Variants in RALB observed in about 807,000 individuals in gnomAD.
The protein encoded by RALB is RAS like proto-oncogene B.
A neutral mutation model predicts 21.3 loss-of-function variants in RALB; 16 were observed. The ratio of observed to expected loss-of-function variants is 0.75; its 90% confidence interval spans 0.51 to 1.14. RALB has a LOEUF of 1.14. RALB is among the 50% of genes most tolerant of loss of function. The probability of loss-of-function intolerance (pLI) is 0.00; values close to 1 mark genes in which losing one functional copy is unlikely to be tolerated. For missense variants in RALB, 161 were observed against 256.2 expected (o/e 0.63, Z 2.54); for synonymous variants, 93 against 96.1 (o/e 0.97, Z 0.19).
intron 4 of RALB, among the ~76,000 whole-genome samples, chr2:120,292,639 T>C (rs1006501749): frequency 6.6e-6 from 1 of 152,208 alleles, no homozygotes; most frequent in Non-Finnish European, 1.5e-5. Flanking sequence ...ATCACACTTA[T>C]TGTAAGATTT....
At chr2:120,292,311 C>T (rs757711911) in intron 4 of RALB, among the ~76,000 whole-genome samples, 5 of 152,150 alleles carry the variant, frequency 3.3e-5, no homozygotes, top group Admixed American at 6.5e-5. Context: ...TCTTCTCAGT[C>T]GCCTAGTGCA....
At chr2:120,269,410 C>T (rs1360608794) in intron 1 of RALB, among the ~76,000 whole-genome samples, 1 of 152,136 alleles carries the variant, frequency 6.6e-6, no homozygotes, top group Non-Finnish European at 1.5e-5. Context: ...GGAAGGTGAC[C>T]TGAGCAGGTT....
At chr2:120,265,022 C>G (rs1263174038) in intron 1 of RALB, among the ~76,000 whole-genome samples, 3 of 152,166 alleles carry the variant, frequency 2.0e-5, no homozygotes, top group Non-Finnish European at 4.4e-5. Flanking sequence ...TTGTTTCCGC[C>G]TCTTGGTTAT....
chr2:120,244,944 G>A (rs575055192), intron 1 of RALB, among the ~76,000 whole-genome samples: 1 of 152,352 alleles, frequency 6.6e-6, no homozygotes, highest in African/African-American at 2.4e-5. Context: ...CCAAAAGTCA[G>A]GGAGCTGAGC....
intron 1 of RALB, among the ~76,000 whole-genome samples, chr2:120,277,950 T>TGG (rs1258477946): frequency 2.0e-5 from 3 of 147,512 alleles, no homozygotes; most frequent in Non-Finnish European, 4.5e-5. Context: ...AGTGTGAATG[T>TGG]GTGAATGTGA....
intron 1 of RALB, among the ~76,000 whole-genome samples, chr2:120,260,326 A>G (rs909990831): frequency 6.6e-5 from 10 of 152,222 alleles, no homozygotes; most frequent in Non-Finnish European, 8.8e-5. Flanking sequence ...ACTAGTAGTG[A>G]CTTCAGTAGC....
chr2:120,278,894 G>A (rs1689914817), intron 2 of RALB, 116 bp downstream of exon 2: 3 of 977,810 alleles, frequency 3.1e-6, no homozygotes, highest in Non-Finnish European at 4.1e-6. Flanking sequence ...GCAAGTCTGT[G>A]TTGAGGTGGC....
intron 1 of RALB, among the ~76,000 whole-genome samples, chr2:120,244,314 G>C (rs563944768): frequency 6.6e-6 from 1 of 152,320 alleles, no homozygotes; most frequent in Admixed American, 6.5e-5. Flanking sequence ...GGCCCAGCCC[G>C]TCCCGGCTCT....
rs58330375 is a variant in RALB, at chr2:120,244,243, T to A, written c.19+4118T>A. Among the ~76,000 whole-genome samples, 203 of 152,258 alleles carry A rather than the reference T, an allele frequency of 1.3e-3. 1 individual carries two copies. The highest frequency in any genetic ancestry group is 4.8e-3 in the African/African-American group (198 of 41,554). Reference sequence around the variant, plus strand: ...ATGGAGATTGCAATTCCACATGAGATTTGGGTGGGGACACAGAGCCAAACC... The same window carrying A: ...ATGGAGATTGCAATTCCACATGAGAATTGGGTGGGGACACAGAGCCAAACC... On this transcript the variant is annotated intron_variant, in intron 1 of 3. Transcript: ENST00000447591.
intron 3 of RALB, among the ~76,000 whole-genome samples, chr2:120,288,429 C>T (rs1480157246): frequency 2.2e-5 from 3 of 135,288 alleles, no homozygotes; most frequent in African/African-American, 8.2e-5. Context: ...AAGTGTTCCT[C>T]CCTCCTCAGG....
intron 1 of RALB, among the ~76,000 whole-genome samples, chr2:120,274,970 T>G (rs1217489187): frequency 6.6e-6 from 1 of 152,246 alleles, no homozygotes; most frequent in Non-Finnish European, 1.5e-5. Flanking sequence ...GAACACTCAT[T>G]GCCCCTTGTT....
At chr2:120,282,500 C>A (rs1160843102) in intron 2 of RALB, among the ~76,000 whole-genome samples, 1 of 132,778 alleles carries the variant, frequency 7.5e-6, no homozygotes, top group Non-Finnish European at 1.5e-5. Context: ...GATAACAGAG[C>A]TAGCACTGCT....
intron 1 of RALB, among the ~76,000 whole-genome samples, chr2:120,263,418 A>G (rs1009960819): frequency 5.9e-5 from 9 of 152,144 alleles, no homozygotes; most frequent in South Asian, 2.1e-4. Flanking sequence ...TTGGCCTCCC[A>G]AAATGTTGGG....
intron 1 of RALB, among the ~76,000 whole-genome samples, chr2:120,277,094 T>G (rs1372170350): frequency 6.6e-6 from 1 of 152,242 alleles, no homozygotes; most frequent in Non-Finnish European, 1.5e-5. Flanking sequence ...CTACTCATTT[T>G]ATCTTCCTTC....
At chr2:120,254,896 G>A (rs1173993087) in intron 1 of RALB, among the ~76,000 whole-genome samples, 2 of 152,100 alleles carry the variant, frequency 1.3e-5, no homozygotes, top group African/African-American at 4.8e-5. Context: ...GGCTGGTCTC[G>A]AACTGCTGGG....
At chr2:120,253,555 C>T in intron 1 of RALB, 1 of 985,608 alleles carries the variant, frequency 1.0e-6, no homozygotes, top group South Asian at 4.7e-5. Context: ...TAAGGGGAAG[C>T]GCCTGGACTG....
chr2:120,249,217 T>C (rs1689015894), upstream of RALB, among the ~76,000 whole-genome samples: 1 of 152,086 alleles, frequency 6.6e-6, no homozygotes, highest in African/African-American at 2.4e-5. Flanking sequence ...GTATTTTTAG[T>C]AGAGATGGGG....
At chr2:120,261,643 T>C (rs893221229) in intron 1 of RALB, among the ~76,000 whole-genome samples, 7 of 152,162 alleles carry the variant, frequency 4.6e-5, no homozygotes, top group African/African-American at 1.7e-4. Flanking sequence ...ATTTGCATGC[T>C]GGGTGCAGGT....
rs757102762 is a variant in RALB, at chr2:120,278,691, G to A, written c.27G>A (p.Gln9=). The part of the protein sequence containing the change: MAANKSKG[Q]SSLALHKVIM... The stretch of plus-strand genomic sequence containing the variant: ...TGGCTGCCAACAAGAGTAAGGGCCA[G>A]AGCTCCTTGGCCCTCCACAAGGTGA... Residue 9 remains glutamine, a synonymous_variant, in exon 2 of 5, where the codon CAG becomes CAA. Coordinates refer to ENST00000272519, the MANE Select transcript of RALB (RefSeq NM_002881.3). The A allele has an allele frequency of 3.7e-6, 6 of 1,600,242 alleles. No homozygotes were observed. Among genetic ancestry groups the A allele is most frequent in the African/African-American group, 1.3e-5 (1 of 74,448 alleles).
Sources: gnomAD v4.1 joint callset for allele counts (sites outside exome capture counted in the v4.1 genomes callset) on GRCh38, gnomAD v4.1.1 for gene constraint, MANE v1.5 for transcripts, NCBI Gene and HGNC (gene_info 2026-07-23, HGNC 2026-07-21) for gene names.